The following PCCA variants were observed in gnomAD, a reference collection of about 807,000 sequenced individuals.
The protein encoded by PCCA is propionyl-CoA carboxylase alpha chain, mitochondrial.
A neutral mutation model predicts 101.3 loss-of-function variants in PCCA; 74 were observed. The observed-to-expected ratio is 0.73, with a 90% CI of 0.61 to 0.89. The LOEUF (loss-of-function observed/expected upper bound fraction) is 0.89. PCCA is among the 40% of genes least tolerant of loss of function. The pLI is 0.00. For missense variants in PCCA, 891 were observed against 907.0 expected (o/e 0.98, Z 0.23); for synonymous variants, 294 against 313.6 (o/e 0.94, Z 0.66).
At chr13:100,142,089 AT>A (rs1012350473) in intron 4 of PCCA, among the ~76,000 whole-genome samples, 9 of 150,424 alleles carry the variant, frequency 6.0e-5, no homozygotes, top group Middle Eastern at 3.4e-3. Context: ...AGTAGGGCAG[AT>A]TTTTTTTTTC....
At chr13:100,365,832 A>G (rs1233977707) in intron 18 of PCCA, among the ~76,000 whole-genome samples, 2 of 146,610 alleles carry the variant, frequency 1.4e-5, no homozygotes, top group Admixed American at 6.6e-5. Flanking sequence ...TCTTTTATAC[A>G]TACATAAGGA....
chr13:100,360,221 T>C (rs2152799375), intron 18 of PCCA, among the ~76,000 whole-genome samples: 1 of 151,394 alleles, frequency 6.6e-6, no homozygotes, highest in South Asian at 2.1e-4. Flanking sequence ...TCCTTCACTA[T>C]CATGAGAACA....
chr13:100,292,934 C>CGTGTGTGTGTGT (rs36098330), intron 12 of PCCA, among the ~76,000 whole-genome samples: 13,403 of 147,516 alleles, frequency 0.091, 749 homozygotes, highest in East Asian at 0.14. Context: ...TTTCCAAATT[C>CGTGTGTGTGTGT]GTGTGTGTGT....
chr13:100,089,734 T>C (rs902219923), intron 1 of PCCA, among the ~76,000 whole-genome samples: 2 of 152,230 alleles, frequency 1.3e-5, no homozygotes, highest in Non-Finnish European at 2.9e-5. Flanking sequence ...CCAATAGATT[T>C]TACGTTTCAT....
intron 12 of PCCA, among the ~76,000 whole-genome samples, chr13:100,289,705 G>A (rs1447333939): frequency 2.6e-5 from 4 of 152,024 alleles, no homozygotes; most frequent in South Asian, 2.1e-4. Context: ...TCAGACAGAC[G>A]TTTTCTCTGT....
At chr13:100,513,913 A>G (rs1395112036) in intron 21 of PCCA, among the ~76,000 whole-genome samples, 1 of 152,210 alleles carries the variant, frequency 6.6e-6, no homozygotes, top group African/African-American at 2.4e-5. Flanking sequence ...ACAGATAGGA[A>G]AACTGTGCAA....
chr13:100,232,372 GTGTGT>G (rs2060539812), intron 7 of PCCA, among the ~76,000 whole-genome samples: 1 of 150,540 alleles, frequency 6.6e-6, no homozygotes, highest in African/African-American at 2.4e-5. Flanking sequence ...GTGTGTGTGT[GTGTGT>G]GTGTGTGTGT....
intron 19 of PCCA, among the ~76,000 whole-genome samples, chr13:100,422,649 T>G (rs991967143): frequency 5.3e-5 from 8 of 152,194 alleles, no homozygotes; most frequent in African/African-American, 1.7e-4. Flanking sequence ...TTTTATATTG[T>G]TAGTCTTATC....
rs1211364375 is a variant in PCCA, at chr13:100,232,345, T to TATGC, written c.601-3497_601-3496insATGC. ...AGCTGTTTATGTTTATGTGTGTGTGTGTATGCGTGTGTGTGTGTGTGTGTG... is the reference window on the plus strand; with the variant it reads ...AGCTGTTTATGTTTATGTGTGTGTGTATGCGTATGCGTGTGTGTGTGTGTGTGTG... On this transcript the variant is annotated intron_variant, in intron 7 of 23. Coordinates refer to ENST00000376285, the MANE Select transcript of PCCA (RefSeq NM_000282.4). 5.2e-5 allele frequency among the ~76,000 whole-genome samples: 7 copies of TATGC among 135,816 alleles called. No individual in the cohort carries two copies. The South Asian group carries it at 1.1e-3, about 21-fold the overall frequency. 89.1% of individuals were successfully genotyped at this position (135,816 alleles called of 152,430 possible).
rs1339700623 is a variant in PCCA at position 100,440,191 on chromosome 13, TATATATATATATATATATAA to T, written c.1846-9059_1846-9040del. 2.6e-3 allele frequency among the ~76,000 whole-genome samples: 177 copies of T among 68,424 alleles called. 1 individual carries two copies. Among genetic ancestry groups the T allele is most frequent in the African/African-American group, 0.012 (162 of 13,082 alleles). 44.9% of individuals were successfully genotyped at this position (68,424 alleles called of 152,430 possible). A position where few individuals can be genotyped will look rare whatever the true frequency, so the allele number is the denominator to read the frequency against. On this transcript the variant is annotated intron_variant, in intron 20 of 23. Coordinates refer to ENST00000376285, the MANE Select transcript of PCCA (RefSeq NM_000282.4). The stretch of plus-strand genomic sequence containing the variant: ...ATATATATATATATATATATATATA[TATATATATATATATATATAA>T]AACGTGATAACTTAAAATGCCCAGT...
chr13:100,456,649 C>CGAAGCTGAGAGAGAGAAG (rs1566358056), intron 21 of PCCA, among the ~76,000 whole-genome samples: 1 of 126,488 alleles, frequency 7.9e-6, no homozygotes, highest in East Asian at 2.1e-4. Flanking sequence ...CTTAGGTAGC[C>CGAAGCTGAGAGAGAGAAG]GAAGCTGAGA....
rs192919691 is a variant in PCCA, at chr13:100,203,356, A to G, written c.469-5976A>G. ...TTTCTCCTGTGCTTTCCTGCCCTACATGGATGTTACTCTGGTCCCTTTTTC... is the reference window on the plus strand; with the variant it reads ...TTTCTCCTGTGCTTTCCTGCCCTACGTGGATGTTACTCTGGTCCCTTTTTC... On this transcript the variant is annotated intron_variant, in intron 6 of 23. Transcript: ENST00000376285. Among the ~76,000 whole-genome samples, 10 of 151,734 alleles carry G rather than the reference A, an allele frequency of 6.6e-5. No individual in the cohort carries two copies. The East Asian group carries it at 7.8e-4, about 12-fold the overall frequency.
chr13:100,491,758 G>T, intron 21 of PCCA: 1 of 1,244,402 alleles, frequency 8.0e-7, no homozygotes. Context: ...GTTTGTACAA[G>T]CTCTTTTGGA....
Position 100,447,748 on chromosome 13 carries a change from G to A in PCCA, c.1846-1504G>A, listed in dbSNP as rs9554688. Among the ~76,000 whole-genome samples, 663 of 151,620 alleles carry A rather than the reference G, an allele frequency of 4.4e-3. 34 individuals are homozygous for A. The East Asian group carries it at 0.098, about 22-fold the overall frequency. ...TTTTTTTTCTACTCTATACCACACT[G>A]CCTTAAGTATGCTATCTAGATTACC... On this transcript the variant is annotated intron_variant, in intron 20 of 23. Coordinates refer to ENST00000376285, the MANE Select transcript of PCCA (RefSeq NM_000282.4).
chr13:100,460,508 A>G (rs376597337), intron 21 of PCCA, among the ~76,000 whole-genome samples: 24 of 152,318 alleles, frequency 1.6e-4, no homozygotes, highest in Middle Eastern at 3.4e-3. Flanking sequence ...AGAAACGATC[A>G]AATTTTCAGT....
intron 18 of PCCA, among the ~76,000 whole-genome samples, chr13:100,365,284 C>T (rs1207838643): frequency 6.6e-6 from 1 of 152,056 alleles, no homozygotes. Context: ...CCTCCTGGGA[C>T]AAATTATAAT....
At chr13:100,386,439 T>A (rs1257727079) in intron 19 of PCCA, among the ~76,000 whole-genome samples, 2 of 152,232 alleles carry the variant, frequency 1.3e-5, no homozygotes, top group East Asian at 3.9e-4. Context: ...TGGGGTGCAG[T>A]GGCGCGATCT....
intron 8 of PCCA, among the ~76,000 whole-genome samples, chr13:100,254,917 TA>T (rs60893305): frequency 5.3e-3 from 745 of 140,102 alleles, no homozygotes; most frequent in African/African-American, 6.2e-3. Context: ...CCCCCATCTT[TA>T]AAAAAAAAAA....
chr13:100,274,405 C>A lies in PCCA; in HGVS notation c.1065+1059C>A, dbSNP rs535849501. On this transcript the variant is annotated intron_variant, in intron 12 of 23. Transcript: ENST00000376285. ...TAGATTTCTGTAGATAGTTTATTTC[C>A]AGTTTTATGGAATTTGTGTTAGTTT... Among the ~76,000 whole-genome samples, 81 of 152,188 alleles carry A rather than the reference C, an allele frequency of 5.3e-4. 1 individual carries two copies. Among genetic ancestry groups the A allele is most frequent in the Admixed American group, 1.6e-3 (24 of 15,298 alleles).
Sources: allele counts gnomAD v4.1 joint callset (sites outside exome capture counted in the v4.1 genomes callset), GRCh38; gene constraint gnomAD v4.1.1; transcripts MANE v1.5; gene names NCBI Gene and HGNC (gene_info 2026-07-23, HGNC 2026-07-21).